ZNF543: variants seen among roughly 807,000 people sequenced by gnomAD.
ZNF543 encodes zinc finger protein 543.
Under a neutral mutation model 13.4 loss-of-function variants are expected in ZNF543, and 10 were observed. The ratio of observed to expected loss-of-function variants is 0.75; its 90% CI spans 0.46 to 1.26. The LOEUF (loss-of-function observed/expected upper bound fraction) is 1.26. ZNF543 is among the 50% of genes most tolerant of loss of function. The pLI is 0.00. For missense variants in ZNF543, 768 were observed against 741.2 expected, an observed-to-expected ratio of 1.04 and a Z score of -0.42; for synonymous variants, 272 against 264.7, an observed-to-expected ratio of 1.03 and a Z score of -0.27.
At chr19:57,325,779 A>G (rs928709701) in intron 2 of ZNF543, among the ~76,000 whole-genome samples, 6 of 152,000 alleles carry the variant, frequency 3.9e-5, no homozygotes, top group African/African-American at 1.4e-4. Flanking sequence ...TCAGACTCCC[A>G]AAGCGTTGGG....
intron 2 of ZNF543, among the ~76,000 whole-genome samples, chr19:57,324,773 G>C (rs956565727): frequency 6.6e-6 from 1 of 151,226 alleles, no homozygotes; most frequent in Non-Finnish European, 1.5e-5. Context: ...TTTCATGCAG[G>C]GACCATAGGA....
Position 57,322,642 on chromosome 19 carries a change from G to C in ZNF543, c.19-1040G>C, listed in dbSNP as rs535878092. Reference sequence around the variant, plus strand: ...CCATAGGGCCCTGGGTTCAAATTCTGTCTCTCCTGATAAGAGATGTGACTT... The same window carrying C: ...CCATAGGGCCCTGGGTTCAAATTCTCTCTCTCCTGATAAGAGATGTGACTT... On this transcript the variant is annotated intron_variant, in intron 1 of 3. Coordinates refer to ENST00000321545, the MANE Select transcript of ZNF543 (RefSeq NM_213598.4). Among the ~76,000 whole-genome samples the C allele has an allele frequency of 3.3e-5, 5 of 152,266 alleles. 1 individual carries two copies. The highest frequency in any genetic ancestry group is 3.3e-4 in the Admixed American group (5 of 15,290).
chr19:57,323,281 T>G (rs912718656), intron 1 of ZNF543, among the ~76,000 whole-genome samples: 37 of 150,460 alleles, frequency 2.5e-4, no homozygotes, highest in African/African-American at 8.6e-4. Flanking sequence ...AAGCTCCGCC[T>G]CCCGGGTTCA....
Position 57,326,661 on chromosome 19 carries a change from C to G in ZNF543, c.174C>G (p.Ile58Met). ...LGCPLFKPEL[I>M]YQLDHRQELW... The stretch of plus-strand genomic sequence containing the variant: ...GTCCTTTGTTCAAACCAGAGCTGAT[C>G]TACCAGTTGGATCACAGACAGGAGC... Residue 58 changes from isoleucine (I) to methionine (M), a missense_variant, in exon 3 of 4, where the codon ATC becomes ATG. Ile to Met is a conservative substitution (Grantham distance 10). Around this residue, in one of 3 missense-constraint regions of ZNF543, gnomAD observed 77 missense variants for 75.5 expected, o/e 1.02. Coordinates refer to ENST00000321545, the MANE Select transcript of ZNF543 (RefSeq NM_213598.4). The G allele has an allele frequency of 6.2e-7, 1 of 1,614,110 alleles. No homozygotes were observed.
At position 57,329,130 on chromosome 19, in the gene ZNF543, T is replaced by C. The variant is rs112132140; in HGVS notation, c.1668T>C (p.Ile556=). ...CATCCCTCACACATCATCAAAGGAT[T>C]CATACTGGGAGAAACCCTACCATTG... ...RGSSLTHHQR[I]HTGRNPTIVT... Residue 556 remains isoleucine (I), a synonymous_variant, in exon 4 of 4, where the codon ATT becomes ATC. Transcript: ENST00000321545. The C allele has an allele frequency of 1.2e-3, 2,006 of 1,614,196 alleles. 29 individuals are homozygous for C. In the African/African-American group the frequency reaches 0.023, roughly 19 times the overall value.
Position 57,329,129 on chromosome 19 carries a change from T to C in ZNF543, c.1667T>C (p.Ile556Thr). ...RGSSLTHHQR[I>T]HTGRNPTIVT... The stretch of plus-strand genomic sequence containing the variant: ...TCATCCCTCACACATCATCAAAGGA[T>C]TCATACTGGGAGAAACCCTACCATT... Residue 556 changes from isoleucine to threonine, a missense_variant, in exon 4 of 4, where the codon ATT becomes ACT. Physicochemically the swap from Ile to Thr is moderately conservative, Grantham distance 89. Around this residue, in one of 3 missense-constraint regions of ZNF543, gnomAD observed 677 missense variants for 631.4 expected, o/e 1.07. Transcript: ENST00000321545. 1.9e-6 allele frequency: 3 copies of C among 1,614,208 alleles called. No homozygotes were observed. Among genetic ancestry groups the C allele is most frequent in the Non-Finnish European group, 2.5e-6 (3 of 1,180,028 alleles).
At chr19:57,323,520 G>A in intron 1 of ZNF543, 162 bp from the exon 2 acceptor site, 1 of 939,542 alleles carries the variant, frequency 1.1e-6, no homozygotes, top group South Asian at 1.3e-5. Flanking sequence ...CCAAGGCAAT[G>A]TCCACATTCC....
At chr19:57,323,939 G>A (rs533998462) in intron 2 of ZNF543, 131 bp downstream of exon 2, 20 of 1,124,630 alleles carry the variant, frequency 1.8e-5, no homozygotes, top group African/African-American at 9.3e-5. Context: ...GGCTCTGAGC[G>A]TAGCACTTGG....
chr19:57,326,555 C>T, intron 2 of ZNF543, 78 bp from the exon 3 acceptor site: 1 of 1,090,152 alleles, frequency 9.2e-7, no homozygotes. Context: ...CTTCCCCATC[C>T]TGCAGTCCCA....
intron 3 of ZNF543, among the ~76,000 whole-genome samples, chr19:57,327,442 T>G (rs1206129849): frequency 2.0e-5 from 3 of 149,130 alleles, no homozygotes; most frequent in African/African-American, 7.4e-5. Flanking sequence ...TCTCCTGGGT[T>G]CAAGTGATTC....
In ZNF543 at chr19:57,329,897, A is replaced by G. The variant is rs1262862388; in HGVS notation, c.*632A>G. 6.6e-6 allele frequency: 1 copy of G among 152,254 alleles called. No individual in the cohort carries two copies. Among genetic ancestry groups the G allele is most frequent in the Admixed American group, 6.5e-5 (1 of 15,280 alleles). 9.4% of individuals were successfully genotyped at this position (152,254 alleles called of 1,614,324 possible). ...TCTTTTAGACTTGTCTGACAAGCCT[A>G]TGGCAATTTTGTCGTCCCTTTGTTA... On this transcript the variant is annotated 3_prime_UTR_variant, in exon 4 of 4. Transcript: ENST00000321545.
At chr19:57,326,032 T>C (rs1170234126) in intron 2 of ZNF543, among the ~76,000 whole-genome samples, 1 of 152,192 alleles carries the variant, frequency 6.6e-6, no homozygotes, top group Non-Finnish European at 1.5e-5. Context: ...AGACCAGGAC[T>C]TTTCTACTGC....
intron 3 of ZNF543, among the ~76,000 whole-genome samples, chr19:57,327,274 G>A (rs534888299): frequency 3.2e-4 from 48 of 151,400 alleles, no homozygotes; most frequent in South Asian, 1.3e-3. Flanking sequence ...GCTCTCTGCC[G>A]ACGATAGTAT....
Position 57,327,949 on chromosome 19 carries a change from G to A in ZNF543, c.487G>A (p.Val163Ile). 1 of 1,614,170 alleles carries A rather than the reference G, an allele frequency of 6.2e-7. No homozygotes were observed. The highest frequency in any genetic ancestry group is 8.5e-7 in the Non-Finnish European group (1 of 1,180,050). Residue 163 changes from valine (V) to isoleucine (I), a missense_variant, in exon 4 of 4, where the codon GTA becomes ATA. Coordinates refer to ENST00000321545, the MANE Select transcript of ZNF543 (RefSeq NM_213598.4). ...TGATGGTTTGGGGTCAGATGATGGT[G>A]TATGTACAAAGATTACACAGAAACA... ...ERDGLGSDDGVCTKITQKQVS... is the reference protein window; with the variant it reads ...ERDGLGSDDGICTKITQKQVS...
chr19:57,323,870 TCTC>T, intron 2 of ZNF543, 62 bp downstream of exon 2: 1 of 1,575,034 alleles, frequency 6.3e-7, no homozygotes, highest in South Asian at 1.1e-5. Context: ...TGTTCCCCTC[TCTC>T]CTCCACAGCC....
intron 2 of ZNF543, 97 bp downstream of exon 2, chr19:57,323,905 C>T: frequency 2.0e-6 from 3 of 1,492,048 alleles, no homozygotes; most frequent in South Asian, 2.5e-5. Context: ...AGGCTCCTGG[C>T]ACCACGCAGG....
chr19:57,321,550 G>C (rs116797571), intron 1 of ZNF543, among the ~76,000 whole-genome samples: 1 of 152,352 alleles, frequency 6.6e-6, no homozygotes, highest in African/African-American at 2.4e-5. Flanking sequence ...AAGAGTCCTT[G>C]CTGTGGGCTG....
chr19:57,328,552 G>GT lies in ZNF543; in HGVS notation c.1091dup (p.Lys365GlufsTer4). ...GTGGCACCAACAGATTCACACTGGA[G>GT]TGAAACCCTTTGAATGCAACGAGTG... On this transcript the variant is annotated frameshift_variant, in exon 4 of 4. Transcript: ENST00000321545. LOFTEE classifies it low-confidence loss of function (END_TRUNC). The GT allele has an allele frequency of 6.2e-7, 1 of 1,613,950 alleles. No homozygotes were observed. The highest frequency in any genetic ancestry group is 8.5e-7 in the Non-Finnish European group (1 of 1,180,008).
rs746137054 is a variant in ZNF543, at chr19:57,328,521, C to A, written c.1059C>A (p.Tyr353Ter). The A allele has an allele frequency of 1.7e-5, 28 of 1,614,032 alleles. No homozygotes were observed. Among genetic ancestry groups the A allele is most frequent in the Non-Finnish European group, 2.2e-5 (26 of 1,180,048 alleles). Reference sequence around the variant, plus strand: ...GGAAGGCCTTCAACCGCCGGTCATACCTCACGTGGCACCAACAGATTCACA... The same window carrying A: ...GGAAGGCCTTCAACCGCCGGTCATAACTCACGTGGCACCAACAGATTCACA... ...ECGKAFNRRS[Y>*]LTWHQQIHTG... is the part of the protein sequence containing the mutation. Residue 353 changes from tyrosine (Y) to a stop codon, truncating the protein, a stop_gained, in exon 4 of 4, where the codon TAC (tyrosine) becomes TAA (stop). Transcript: ENST00000321545. LOFTEE classifies it low-confidence loss of function (END_TRUNC).
Sources: gnomAD v4.1 joint callset for allele counts (sites outside exome capture counted in the v4.1 genomes callset) on GRCh38, gnomAD v4.1.1 for gene constraint, gnomAD v4.1.1 regional missense constraint, MANE v1.5 for transcripts, NCBI Gene and HGNC (gene_info 2026-07-23, HGNC 2026-07-21) for gene names.